The following LRP1B variants were observed in gnomAD, a reference collection of about 807,000 sequenced individuals.
The protein encoded by LRP1B is low-density lipoprotein receptor-related protein 1B.
A neutral mutation model predicts 556.6 loss-of-function variants in LRP1B; 217 were observed. That is an observed-to-expected ratio of 0.39 (90% CI 0.35 to 0.44). The LOEUF is 0.44. LRP1B is among the 20% of genes least tolerant of loss of function. The probability of loss-of-function intolerance (pLI) is 1.00; values close to 1 mark genes in which losing one functional copy is unlikely to be tolerated. For missense variants in LRP1B, 5,053 were observed against 5,620.8 expected (o/e 0.90, Z 3.23); for synonymous variants, 2,047 against 1,865.8 (o/e 1.10, Z -2.50).
intron 86 of LRP1B, among the ~76,000 whole-genome samples, chr2:140,249,703 T>C (rs1681322143): frequency 1.3e-5 from 2 of 151,820 alleles, no homozygotes; most frequent in Admixed American, 1.3e-4. Flanking sequence ...TTAAAACATC[T>C]CTTTTGAGTT....
intron 1 of LRP1B, among the ~76,000 whole-genome samples, chr2:141,843,545 C>G (rs530265530): frequency 2.0e-5 from 3 of 152,236 alleles, no homozygotes; most frequent in Non-Finnish European, 2.9e-5. Context: ...GATTGCAAAC[C>G]TTTTATTTGA....
chr2:140,883,727 C>T (rs1447250416), intron 25 of LRP1B, 90 bp downstream of exon 25: 4 of 866,686 alleles, frequency 4.6e-6, no homozygotes, highest in Admixed American at 4.9e-5. Context: ...ACCACTTTGA[C>T]TCATAATTGA....
intron 35 of LRP1B, among the ~76,000 whole-genome samples, chr2:140,719,383 A>G (rs1331277927): frequency 6.7e-6 from 1 of 148,382 alleles, no homozygotes; most frequent in Admixed American, 6.9e-5. Context: ...GCAGGAATTC[A>G]AAGAAGAAAA....
At chr2:141,361,605 T>C (rs998498711) in intron 3 of LRP1B, among the ~76,000 whole-genome samples, 4 of 152,218 alleles carry the variant, frequency 2.6e-5, no homozygotes, top group Admixed American at 6.5e-5. Flanking sequence ...TACTTTTTTC[T>C]TTAGCATTGT....
intron 56 of LRP1B, 149 bp from the exon 57 acceptor site, chr2:140,492,842 G>A (rs1688759774): frequency 1.4e-5 from 8 of 564,320 alleles, no homozygotes; most frequent in African/African-American, 3.8e-5. Context: ...ACTGAGCAAC[G>A]TAGTTGGCAG....
At chr2:140,307,259 A>G (rs1395353634) in intron 83 of LRP1B, among the ~76,000 whole-genome samples, 1 of 152,018 alleles carries the variant, frequency 6.6e-6, no homozygotes, top group East Asian at 1.9e-4. Flanking sequence ...TGTAAACAGC[A>G]ATAGCAAAAC....
intron 6 of LRP1B, among the ~76,000 whole-genome samples, chr2:141,222,167 G>T (rs1007345860): frequency 1.3e-5 from 2 of 152,004 alleles, no homozygotes; most frequent in Non-Finnish European, 2.9e-5. Flanking sequence ...AGGAAGAAAA[G>T]AGAATATTCA....
intron 5 of LRP1B, among the ~76,000 whole-genome samples, chr2:141,245,399 G>A (rs551917667): frequency 1.3e-5 from 2 of 152,274 alleles, no homozygotes; most frequent in African/African-American, 4.8e-5. Context: ...TGTGTAAAGA[G>A]AAACAACTGA....
chr2:140,814,382 C>A (rs989766478), intron 31 of LRP1B, among the ~76,000 whole-genome samples: 3 of 152,148 alleles, frequency 2.0e-5, no homozygotes, highest in Non-Finnish European at 4.4e-5. Context: ...GAAATGACAG[C>A]TCCATTTTAC....
At chr2:141,484,602 A>G (rs1345602688) in intron 2 of LRP1B, among the ~76,000 whole-genome samples, 4 of 152,080 alleles carry the variant, frequency 2.6e-5, no homozygotes, top group African/African-American at 9.7e-5. Context: ...TGAGCATGGA[A>G]TGTTCTTCCA....
chr2:141,306,072 G>C (rs1217127296), intron 3 of LRP1B, among the ~76,000 whole-genome samples: 2 of 152,034 alleles, frequency 1.3e-5, no homozygotes, highest in East Asian at 3.9e-4. Context: ...TCTTTGTCTG[G>C]TTTTGGTATC....
chr2:141,690,414 T>TAC (rs1691479029), intron 2 of LRP1B, among the ~76,000 whole-genome samples: 2 of 124,006 alleles, frequency 1.6e-5, no homozygotes, highest in African/African-American at 5.9e-5. Flanking sequence ...TATATATATA[T>TAC]ATATATATAT....
intron 18 of LRP1B, 27 bp from the exon 19 acceptor site, chr2:140,951,967 A>AG: frequency 6.7e-7 from 1 of 1,500,138 alleles, no homozygotes. Flanking sequence ...AATGTCCAAA[A>AG]GGTAACATGT....
chr2:141,332,722 T>TA (rs1491433574), intron 3 of LRP1B, among the ~76,000 whole-genome samples: 15 of 104,120 alleles, frequency 1.4e-4, no homozygotes, highest in Non-Finnish European at 2.9e-4. Flanking sequence ...TGCCTTATTT[T>TA]TTTATATATA....
chr2:141,741,297 A>G (rs911879807), intron 2 of LRP1B, among the ~76,000 whole-genome samples: 2 of 71,236 alleles, frequency 2.8e-5, no homozygotes, highest in South Asian at 4.3e-4. Context: ...TTTTTTTAGT[A>G]TATATCTAGG....
intron 2 of LRP1B, among the ~76,000 whole-genome samples, chr2:141,797,479 G>A (rs892494767): frequency 6.6e-6 from 1 of 152,032 alleles, no homozygotes; most frequent in Non-Finnish European, 1.5e-5. Context: ...AAGGGAGGGT[G>A]AGTGACACAA....
chr2:141,954,695 G>A (rs1258429161), intron 1 of LRP1B, among the ~76,000 whole-genome samples: 1 of 151,898 alleles, frequency 6.6e-6, no homozygotes, highest in South Asian at 2.1e-4. Flanking sequence ...TAAACTGTGC[G>A]TTCATATCTT....
At chr2:140,556,340 C>A (rs546649953) in intron 43 of LRP1B, among the ~76,000 whole-genome samples, 5 of 152,078 alleles carry the variant, frequency 3.3e-5, no homozygotes, top group Admixed American at 1.3e-4. Flanking sequence ...GTACTCTATA[C>A]GTGGAGGAAG....
intron 66 of LRP1B, among the ~76,000 whole-genome samples, chr2:140,424,359 T>C (rs931595081): frequency 6.6e-6 from 1 of 152,170 alleles, no homozygotes; most frequent in Non-Finnish European, 1.5e-5. Flanking sequence ...TTCCTTTAAA[T>C]AAAATACAAA....
Sources: gnomAD v4.1 joint callset for allele counts (sites outside exome capture counted in the v4.1 genomes callset) on GRCh38, gnomAD v4.1.1 for gene constraint, MANE v1.5 for transcripts, NCBI Gene and HGNC (gene_info 2026-07-23, HGNC 2026-07-21) for gene names.